PRKN: variants seen among roughly 807,000 people sequenced by gnomAD.
The protein encoded by PRKN is E3 ubiquitin-protein ligase parkin.
Under a neutral mutation model 59.5 loss-of-function variants are expected in PRKN, and 56 were observed. The ratio of observed to expected loss-of-function variants is 0.94; its 90% CI spans 0.76 to 1.18. The LOEUF is 1.18. Among genes scored for constraint, PRKN ranks in the 50% most tolerant of loss-of-function variants. The pLI is 0.00. For missense variants in PRKN, 657 were observed against 596.4 expected (o/e 1.10, Z -1.06); for synonymous variants, 250 against 222.1 (o/e 1.13, Z -1.12).
intron 1 of PRKN, among the ~76,000 whole-genome samples, chr6:162,590,303 C>A (rs977206919): frequency 2.6e-4 from 39 of 152,084 alleles, no homozygotes; most frequent in Non-Finnish European, 4.1e-4. Context: ...AATTTCCATT[C>A]AGATTATTTT....
intron 5 of PRKN, among the ~76,000 whole-genome samples, chr6:161,989,534 T>A (rs1033610973): frequency 6.6e-6 from 1 of 152,084 alleles, no homozygotes; most frequent in Non-Finnish European, 1.5e-5. Context: ...GATAGGTCAG[T>A]TACACCCCCC....
intron 3 of PRKN, among the ~76,000 whole-genome samples, chr6:162,226,720 G>C (rs1295775641): frequency 6.6e-6 from 1 of 152,150 alleles, no homozygotes; most frequent in African/African-American, 2.4e-5. Context: ...TTTTAGTAGA[G>C]ACGGGGTTTC....
At chr6:162,499,611 CA>C (rs1351307084) in intron 1 of PRKN, among the ~76,000 whole-genome samples, 1 of 152,168 alleles carries the variant, frequency 6.6e-6, no homozygotes, top group Admixed American at 6.5e-5. Context: ...ACACTGTCTT[CA>C]AAGGTTGAAA....
chr6:162,569,578 C>T, intron 1 of PRKN: 1 of 717,470 alleles, frequency 1.4e-6, no homozygotes, highest in Non-Finnish European at 2.6e-6. Context: ...CAAGCCCTGG[C>T]CTCAGCTATG....
chr6:161,549,109 A>G lies in PRKN; in HGVS notation c.934-106T>C. The G allele has an allele frequency of 7.9e-7, 1 of 1,263,810 alleles. No homozygotes were observed. Among genetic ancestry groups the G allele is most frequent in the East Asian group, 2.4e-5 (1 of 41,124 alleles). The allele number at this position is 1,263,810 out of a possible 1,614,324, so 78.3% of individuals were successfully genotyped here. On this transcript the variant is annotated intron_variant, in intron 8 of 11. Coordinates refer to ENST00000366898, the MANE Select transcript of PRKN (RefSeq NM_004562.3). This position sits in a 1 kb window ranked among gnomAD's most constrained non-coding sequence, Gnocchi z 6.0. ...ATTTCTTGCTTAACCAGTTTCAGTA[A>G]AATAATGCATGTGTGTGTGTGTGTG...
intron 1 of PRKN, among the ~76,000 whole-genome samples, chr6:162,524,951 T>C (rs1223214390): frequency 6.6e-6 from 1 of 152,164 alleles, no homozygotes; most frequent in African/African-American, 2.4e-5. Flanking sequence ...GAAATATCAC[T>C]GATTCTTCAA....
At chr6:162,680,976 A>G (rs1017709137) in intron 1 of PRKN, among the ~76,000 whole-genome samples, 2 of 152,186 alleles carry the variant, frequency 1.3e-5, no homozygotes, top group African/African-American at 4.8e-5. Flanking sequence ...CAAGTAGATA[A>G]TATTTTAAAA....
At chr6:161,704,871 C>T (rs931650656) in intron 7 of PRKN, among the ~76,000 whole-genome samples, 1 of 152,208 alleles carries the variant, frequency 6.6e-6, no homozygotes, top group Non-Finnish European at 1.5e-5. Context: ...CAGGGTCCCT[C>T]AGCAGTACCA....
intron 2 of PRKN, among the ~76,000 whole-genome samples, chr6:162,368,621 T>C (rs1785580359): frequency 6.6e-6 from 1 of 152,152 alleles, no homozygotes; most frequent in Non-Finnish European, 1.5e-5. Context: ...GTGACAGAAA[T>C]GCTTATGCAA....
intron 4 of PRKN, among the ~76,000 whole-genome samples, chr6:162,185,858 G>A (rs1784007291): frequency 6.6e-6 from 1 of 152,102 alleles, no homozygotes; most frequent in South Asian, 2.1e-4. Flanking sequence ...TATTTTAAAT[G>A]CCTTAGGGAC....
chr6:162,702,680 G>A (rs568443266), intron 1 of PRKN, among the ~76,000 whole-genome samples: 2 of 152,280 alleles, frequency 1.3e-5, no homozygotes, highest in Admixed American at 1.3e-4. Context: ...ATAAAGCAAT[G>A]TAATCACATC....
chr6:162,635,169 G>C (rs1777662853), intron 1 of PRKN, among the ~76,000 whole-genome samples: 1 of 152,136 alleles, frequency 6.6e-6, no homozygotes, highest in Admixed American at 6.6e-5. Flanking sequence ...ACAGCTCACG[G>C]GGTAACAGCC....
intron 6 of PRKN, among the ~76,000 whole-genome samples, chr6:161,905,569 C>T (rs1010381353): frequency 1.3e-5 from 2 of 152,124 alleles, no homozygotes; most frequent in African/African-American, 4.8e-5. Flanking sequence ...TTGACTCCTT[C>T]CTTTTCAGAT....
chr6:161,646,429 G>A (rs1444825085), intron 7 of PRKN, among the ~76,000 whole-genome samples: 1 of 120,220 alleles, frequency 8.3e-6, no homozygotes, highest in Non-Finnish European at 1.9e-5. Context: ...AGTGGTCACT[G>A]CGTGTGCGTG....
chr6:162,645,821 T>C (rs1178363952), intron 1 of PRKN, among the ~76,000 whole-genome samples: 1 of 150,894 alleles, frequency 6.6e-6, no homozygotes, highest in African/African-American at 2.4e-5. Flanking sequence ...ATTTCCAGAA[T>C]GAAAGGAGAC....
At chr6:161,816,489 A>G (rs949991479) in intron 6 of PRKN, among the ~76,000 whole-genome samples, 12 of 152,176 alleles carry the variant, frequency 7.9e-5, no homozygotes, top group African/African-American at 2.9e-4. Context: ...CACACTTTCA[A>G]TATGTGTGTT....
chr6:161,497,327 AAG>A lies in PRKN; in HGVS notation c.1083+51525_1083+51526del, dbSNP rs1401328379. Among the ~76,000 whole-genome samples the A allele has an allele frequency of 1.3e-5, 2 of 152,212 alleles. No individual in the cohort carries two copies. The highest frequency in any genetic ancestry group is 4.8e-5 in the African/African-American group (2 of 41,472). On this transcript the variant is annotated intron_variant, in intron 9 of 11. Transcript: ENST00000366898. The surrounding 1 kb of genome is among the most constrained non-coding windows in gnomAD (Gnocchi z 4.6). ...ACAGGGTGTCCCCACTACAGGAAGA[AAG>A]AGAGACATCATCATTCAGCTCTCAC...
intron 2 of PRKN, among the ~76,000 whole-genome samples, chr6:162,280,017 T>G (rs1780817184): frequency 6.6e-6 from 1 of 152,146 alleles, no homozygotes. Context: ...TGCATTCCAT[T>G]TGCTTGGTAA....
intron 7 of PRKN, among the ~76,000 whole-genome samples, chr6:161,758,563 T>C (rs558198147): frequency 6.6e-6 from 1 of 152,144 alleles, no homozygotes; most frequent in African/African-American, 2.4e-5. Context: ...ATGGGAGGGG[T>C]CAATGGCTAT....
Sources: allele counts gnomAD v4.1 joint callset (sites outside exome capture counted in the v4.1 genomes callset), GRCh38; gene constraint gnomAD v4.1.1; non-coding constraint Gnocchi (gnomAD v3.1); transcripts MANE v1.5; gene names NCBI Gene and HGNC (gene_info 2026-07-23, HGNC 2026-07-21).